The following CACNA2D3 variants were observed in gnomAD, a reference collection of about 807,000 sequenced individuals.
CACNA2D3 encodes voltage-dependent calcium channel subunit alpha-2/delta-3.
A neutral mutation model predicts 160.6 loss-of-function variants in CACNA2D3; 60 were observed. The observed-to-expected ratio is 0.37, with a 90% CI of 0.30 to 0.46. CACNA2D3 has a LOEUF of 0.46. Ranked by LOEUF, CACNA2D3 falls within the 20% of genes least tolerant of loss-of-function variation. The pLI is 1.00. For missense variants in CACNA2D3, 1,205 were observed against 1,365.0 expected (o/e 0.88, Z 1.85); for synonymous variants, 558 against 492.9 (o/e 1.13, Z -1.75).
intron 3 of CACNA2D3, among the ~76,000 whole-genome samples, chr3:54,353,587 C>G (rs928912400): frequency 1.5e-4 from 23 of 152,118 alleles, no homozygotes; most frequent in Non-Finnish European, 4.4e-5. Context: ...CACCGCGCCC[C>G]CTCCCTGCCA....
chr3:54,324,306 G>A (rs1459832762), intron 3 of CACNA2D3, among the ~76,000 whole-genome samples: 1 of 152,074 alleles, frequency 6.6e-6, no homozygotes, highest in Non-Finnish European at 1.5e-5. Context: ...TCTCCACTAT[G>A]CAATTATCCT....
chr3:54,918,596 GAC>G, intron 27 of CACNA2D3: 1 of 1,614,120 alleles, frequency 6.2e-7, no homozygotes, highest in Non-Finnish European at 8.5e-7. Context: ...AACATCATGA[GAC>G]ACACAATCCC....
chr3:54,745,860 C>G (rs1360856109), intron 11 of CACNA2D3, among the ~76,000 whole-genome samples: 2 of 152,068 alleles, frequency 1.3e-5, no homozygotes, highest in East Asian at 3.9e-4. Context: ...GGCACTTGTG[C>G]TTGGGAAAAA....
chr3:55,044,730 G>A (rs1004594405), intron 35 of CACNA2D3, among the ~76,000 whole-genome samples: 2 of 152,060 alleles, frequency 1.3e-5, no homozygotes, highest in African/African-American at 4.8e-5. Flanking sequence ...TTATCATTAA[G>A]TCTAATGTTT....
At chr3:54,730,101 C>A (rs1165407285) in intron 11 of CACNA2D3, among the ~76,000 whole-genome samples, 2 of 151,994 alleles carry the variant, frequency 1.3e-5, no homozygotes, top group Non-Finnish European at 2.9e-5. Flanking sequence ...TTTAGAAAGC[C>A]ATAGTCCCAC....
intron 2 of CACNA2D3, among the ~76,000 whole-genome samples, chr3:54,225,576 G>A (rs1355145916): frequency 1.3e-5 from 2 of 152,110 alleles, no homozygotes; most frequent in African/African-American, 4.8e-5. Flanking sequence ...CATTGTATCT[G>A]ATTTACTGTT....
At chr3:54,662,644 C>T (rs1699993385) in intron 11 of CACNA2D3, among the ~76,000 whole-genome samples, 1 of 152,218 alleles carries the variant, frequency 6.6e-6, no homozygotes, top group African/African-American at 2.4e-5. Context: ...GTCTGCTGGG[C>T]TTGCCTCATG....
At chr3:54,257,460 A>G (rs1372169961) in intron 2 of CACNA2D3, among the ~76,000 whole-genome samples, 1 of 152,108 alleles carries the variant, frequency 6.6e-6, no homozygotes, top group African/African-American at 2.4e-5. Flanking sequence ...TGAAATGTTT[A>G]TAGACTTATT....
chr3:54,745,628 G>A (rs1701740752), intron 11 of CACNA2D3, among the ~76,000 whole-genome samples: 1 of 152,162 alleles, frequency 6.6e-6, no homozygotes, highest in South Asian at 2.1e-4. Context: ...GATGTTTGCA[G>A]CTTGACTTCT....
intron 3 of CACNA2D3, among the ~76,000 whole-genome samples, chr3:54,345,726 C>A (rs1444824942): frequency 2.0e-5 from 3 of 152,190 alleles, no homozygotes; most frequent in African/African-American, 7.2e-5. Flanking sequence ...CCCAAAGCAC[C>A]TCTAAGCCTA....
intron 9 of CACNA2D3, among the ~76,000 whole-genome samples, chr3:54,582,636 C>T (rs899086255): frequency 2.0e-5 from 3 of 152,172 alleles, no homozygotes; most frequent in African/African-American, 4.8e-5. Flanking sequence ...GCTGCCATTG[C>T]CCATGTTGAT....
intron 12 of CACNA2D3, among the ~76,000 whole-genome samples, chr3:54,754,752 GT>G: frequency 6.6e-6 from 1 of 152,300 alleles, no homozygotes; most frequent in East Asian, 1.9e-4. Flanking sequence ...AAGTTCCAGT[GT>G]TTGGACTTCA....
chr3:54,674,413 A>G (rs191163906), intron 11 of CACNA2D3, among the ~76,000 whole-genome samples: 27 of 152,278 alleles, frequency 1.8e-4, no homozygotes, highest in Admixed American at 1.2e-3. Flanking sequence ...AGAAACAGGT[A>G]TAATTGTTGC....
At chr3:55,015,981 T>C (rs1703318375) in intron 34 of CACNA2D3, among the ~76,000 whole-genome samples, 1 of 152,200 alleles carries the variant, frequency 6.6e-6, no homozygotes, top group Admixed American at 6.5e-5. Context: ...AACAAATGTG[T>C]CGTAAGGGAC....
At chr3:54,633,086 G>A (rs1242906792) in intron 10 of CACNA2D3, among the ~76,000 whole-genome samples, 1 of 152,192 alleles carries the variant, frequency 6.6e-6, no homozygotes, top group Non-Finnish European at 1.5e-5. Context: ...CATGTAAGGA[G>A]CACTCACCCT....
At chr3:54,259,607 G>A (rs1395504877) in intron 2 of CACNA2D3, among the ~76,000 whole-genome samples, 2 of 152,126 alleles carry the variant, frequency 1.3e-5, no homozygotes, top group Non-Finnish European at 2.9e-5. Flanking sequence ...AAACCAAGCC[G>A]CTTGTTCCTA....
At chr3:54,410,367 A>C (rs2106725046) in intron 4 of CACNA2D3, among the ~76,000 whole-genome samples, 1 of 152,160 alleles carries the variant, frequency 6.6e-6, no homozygotes, top group Admixed American at 6.5e-5. Context: ...AAAAAGAAAA[A>C]AAAAAGAGAG....
chr3:54,377,878 C>G (rs1202321386), intron 3 of CACNA2D3, among the ~76,000 whole-genome samples: 2 of 152,186 alleles, frequency 1.3e-5, no homozygotes, highest in African/African-American at 4.8e-5. Flanking sequence ...AAAAGTGATA[C>G]AACCAGGAAT....
chr3:54,451,675 C>T (rs146469381), intron 4 of CACNA2D3, among the ~76,000 whole-genome samples: 178 of 152,206 alleles, frequency 1.2e-3, no homozygotes, highest in Non-Finnish European at 1.9e-3. Flanking sequence ...TTCAAAATCA[C>T]GAAGTGTGGA....
Sources: allele counts gnomAD v4.1 joint callset (sites outside exome capture counted in the v4.1 genomes callset), GRCh38; gene constraint gnomAD v4.1.1; transcripts MANE v1.5; gene names NCBI Gene and HGNC (gene_info 2026-07-23, HGNC 2026-07-21).